Variants in SFMBT2 observed in about 807,000 individuals in gnomAD.
SFMBT2 encodes Scm like with four mbt domains 2.
A neutral mutation model predicts 110.1 loss-of-function variants in SFMBT2; 38 were observed. That is an observed-to-expected ratio of 0.35 (90% CI 0.27 to 0.45). The LOEUF (loss-of-function observed/expected upper bound fraction) is 0.45, where lower values mean the gene tolerates loss of function less well. Ranked by LOEUF, SFMBT2 falls within the 20% of genes least tolerant of loss-of-function variation. The probability of loss-of-function intolerance (pLI) is 1.00; values close to 1 mark genes in which losing one functional copy is unlikely to be tolerated. For synonymous variants in SFMBT2, 425 were observed against 425.4 expected (o/e 1.00, Z 0.01); for missense variants, 1,011 against 1,094.9 (o/e 0.92, Z 1.08).
At chr10:7,303,990 G>A (rs552407044) in intron 4 of SFMBT2, among the ~76,000 whole-genome samples, 78 of 152,158 alleles carry the variant, frequency 5.1e-4, no homozygotes, top group Non-Finnish European at 6.9e-4. Flanking sequence ...GGTGCTGGCC[G>A]AAAGGCAGGA....
intron 1 of SFMBT2, among the ~76,000 whole-genome samples, chr10:7,388,841 A>T (rs181101297): frequency 6.6e-6 from 1 of 152,130 alleles, no homozygotes. Flanking sequence ...GATGGAGTGG[A>T]TGTGGCAGGG....
At chr10:7,204,040 C>G (rs902015799) in intron 12 of SFMBT2, 1 of 243,598 alleles carries the variant, frequency 4.1e-6, no homozygotes, top group African/African-American at 2.3e-5. Flanking sequence ...TTTTAAGAGA[C>G]AGGGGAAAAG....
At chr10:7,329,079 C>T (rs929979675) in intron 4 of SFMBT2, among the ~76,000 whole-genome samples, 79 of 152,300 alleles carry the variant, frequency 5.2e-4, no homozygotes, top group African/African-American at 1.7e-3. Flanking sequence ...GCATGTGGCT[C>T]GTTATTTTGT....
At position 7,172,087 on chromosome 10, in the gene SFMBT2, C is replaced by A; in HGVS notation, c.2223G>T (p.Arg741=). ...CCGACGAGGTGTCCGTCTGGTCATCCCGGAGCTCGGAGCCGGTCTCCTCAC... is the reference window on the plus strand; with the variant it reads ...CCGACGAGGTGTCCGTCTGGTCATCACGGAGCTCGGAGCCGGTCTCCTCAC... ...TASEETGSEL[R]DDQTDTSSAE... is the part of the protein sequence containing the mutation. Residue 741 remains arginine, a synonymous_variant, in exon 19 of 21, where the codon CGG becomes CGT. Transcript: ENST00000397167. The surrounding 1 kb of genome is among the most constrained non-coding windows in gnomAD (Gnocchi z 4.6). 1 of 1,607,452 alleles carries A rather than the reference C, an allele frequency of 6.2e-7. No individual in the cohort carries two copies. The highest frequency in any genetic ancestry group is 1.1e-5 in the South Asian group (1 of 90,292).
At chr10:7,375,974 A>G (rs557392697) in intron 2 of SFMBT2, among the ~76,000 whole-genome samples, 1 of 152,304 alleles carries the variant, frequency 6.6e-6, no homozygotes, top group African/African-American at 2.4e-5. Context: ...TTCTCCAGTT[A>G]ATACCAAATG....
intron 10 of SFMBT2, among the ~76,000 whole-genome samples, chr10:7,225,501 T>C (rs1036766314): frequency 4.6e-5 from 7 of 152,170 alleles, no homozygotes; most frequent in African/African-American, 1.7e-4. Flanking sequence ...AACAATCCTA[T>C]CTATTACATA....
Position 7,349,201 on chromosome 10 carries a change from C to T in SFMBT2, c.436+18448G>A, listed in dbSNP as rs184978966. Among the ~76,000 whole-genome samples, 126 of 152,198 alleles carry T rather than the reference C, an allele frequency of 8.3e-4. 2 individuals carry two copies. Among genetic ancestry groups the T allele is most frequent in the African/African-American group, 3.0e-3 (124 of 41,526 alleles). ...GAAAATGATCTAAAACAAAATGACCCGGCATCAATCAAACCTGTTCTGCTC... is the reference window on the plus strand; with the variant it reads ...GAAAATGATCTAAAACAAAATGACCTGGCATCAATCAAACCTGTTCTGCTC... On this transcript the variant is annotated intron_variant, in intron 4 of 20. Transcript: ENST00000397167.
At chr10:7,319,360 C>G (rs1268558270) in intron 4 of SFMBT2, among the ~76,000 whole-genome samples, 1 of 152,148 alleles carries the variant, frequency 6.6e-6, no homozygotes, top group Non-Finnish European at 1.5e-5. Context: ...AAGTTTAAAA[C>G]TGAATACTGT....
intron 9 of SFMBT2, among the ~76,000 whole-genome samples, chr10:7,236,210 A>T (rs1272302700): frequency 1.3e-5 from 2 of 152,178 alleles, no homozygotes; most frequent in Non-Finnish European, 1.5e-5. Context: ...CTATAAAAAG[A>T]TAATATAAGA....
At chr10:7,315,365 C>G (rs1842982434) in intron 4 of SFMBT2, among the ~76,000 whole-genome samples, 1 of 152,232 alleles carries the variant, frequency 6.6e-6, no homozygotes, top group East Asian at 1.9e-4. Flanking sequence ...TGATCCACCC[C>G]CAAGTGAGGG....
At chr10:7,230,321 C>T (rs1211445835) in intron 9 of SFMBT2, among the ~76,000 whole-genome samples, 1 of 152,196 alleles carries the variant, frequency 6.6e-6, no homozygotes, top group Non-Finnish European at 1.5e-5. Flanking sequence ...AGCCGACTTT[C>T]TTCTGAACCT....
At chr10:7,192,491 T>C (rs1838630555) in intron 15 of SFMBT2, among the ~76,000 whole-genome samples, 1 of 152,130 alleles carries the variant, frequency 6.6e-6, no homozygotes, top group Non-Finnish European at 1.5e-5. Context: ...GCTTTCTAGT[T>C]TTTAGGTACA....
Position 7,283,904 on chromosome 10 carries a change from C to G in SFMBT2, c.772G>C (p.Glu258Gln). ...ENKYRMDPPS[E>Q]IYPLKMASEW... ...CAGCAGCAAAAGCTTTGGCCCTTAC[C>G]TGAAGGTGGGTCCATTCTGTATTTA... is the stretch of plus-strand genomic sequence containing the variant. The change falls in exon 6 of 21, where the codon GAA (glutamate) becomes CAA (glutamine). Residue 258 changes from glutamate (E) to glutamine (Q), a missense_variant and splice_region_variant. Around this residue, in one of 2 missense-constraint regions of SFMBT2, gnomAD observed 979 missense variants for 1,016.1 expected, o/e 0.96. Transcript: ENST00000397167. 6.3e-7 allele frequency: 1 copy of G among 1,583,204 alleles called. No individual in the cohort carries two copies. Among genetic ancestry groups the G allele is most frequent in the South Asian group, 1.1e-5 (1 of 90,410 alleles).
intron 4 of SFMBT2, among the ~76,000 whole-genome samples, chr10:7,327,158 C>A (rs1229823113): frequency 6.8e-6 from 1 of 146,128 alleles, no homozygotes; most frequent in Admixed American, 6.8e-5. Context: ...AAAAAAAGTT[C>A]TCCCTATTCC....
intron 4 of SFMBT2, among the ~76,000 whole-genome samples, chr10:7,315,459 G>A (rs1842985045): frequency 6.6e-6 from 1 of 152,110 alleles, no homozygotes; most frequent in Non-Finnish European, 1.5e-5. Context: ...GCTCTTCCTG[G>A]GTCTCGAGCT....
At chr10:7,345,296 T>C (rs908101110) in intron 4 of SFMBT2, among the ~76,000 whole-genome samples, 10 of 152,198 alleles carry the variant, frequency 6.6e-5, no homozygotes, top group African/African-American at 2.4e-4. Context: ...TCTAAATACA[T>C]AATTATCTCC....
Position 7,170,221 on chromosome 10 carries a change from T to G in SFMBT2, c.2544+707A>C, listed in dbSNP as rs1013518238. ...CTCTCTGGTTGTTGTGGTTGCTGTTTGTGTGTGAGCTTCATGCCCCTGAGA... is the reference window on the plus strand; with the variant it reads ...CTCTCTGGTTGTTGTGGTTGCTGTTGGTGTGTGAGCTTCATGCCCCTGAGA... On this transcript the variant is annotated intron_variant, in intron 20 of 20. Coordinates refer to ENST00000397167, the MANE Select transcript of SFMBT2 (RefSeq NM_001387889.1). The surrounding 1 kb of genome is among the most constrained non-coding windows in gnomAD (Gnocchi z 4.6). Among the ~76,000 whole-genome samples, 13 of 152,210 alleles carry G rather than the reference T, an allele frequency of 8.5e-5. No homozygotes were observed. The highest frequency in any genetic ancestry group is 3.1e-4 in the African/African-American group (13 of 41,460).
At position 7,385,579 on chromosome 10, in the gene SFMBT2, A is replaced by G. The variant is rs536255626; in HGVS notation, c.-51-3630T>C. Among the ~76,000 whole-genome samples the G allele has an allele frequency of 3.3e-5, 5 of 152,318 alleles. No homozygotes were observed. The South Asian group carries it at 1.0e-3, about 32-fold the overall frequency. On this transcript the variant is annotated intron_variant, in intron 1 of 20. Coordinates refer to ENST00000397167, the MANE Select transcript of SFMBT2 (RefSeq NM_001387889.1). ...GAAGGCATATGACGGAGCCCCAAAA[A>G]CAATGATCATAACAAAAAACACAGC...
intron 4 of SFMBT2, among the ~76,000 whole-genome samples, chr10:7,290,092 C>T (rs1450813513): frequency 6.6e-6 from 1 of 152,090 alleles, no homozygotes; most frequent in African/African-American, 2.4e-5. Flanking sequence ...AACTCAAAAC[C>T]TGCCCTGCGC....
Sources: gnomAD v4.1 joint callset for allele counts (sites outside exome capture counted in the v4.1 genomes callset) on GRCh38, gnomAD v4.1.1 for gene constraint, gnomAD v4.1.1 regional missense constraint, Gnocchi (gnomAD v3.1) non-coding constraint, MANE v1.5 for transcripts, NCBI Gene and HGNC (gene_info 2026-07-23, HGNC 2026-07-21) for gene names.